The following TRIM71 variants were observed in gnomAD, a reference collection of about 807,000 sequenced individuals.
TRIM71 encodes the protein E3 ubiquitin-protein ligase TRIM71.
TRIM71 carries 9 observed loss-of-function variants against 61.2 expected under a neutral mutation model. The observed-to-expected ratio is 0.15, with a 90% CI of 0.09 to 0.26. The LOEUF is 0.26. Ranked by LOEUF, TRIM71 falls within the 10% of genes least tolerant of loss-of-function variation. The pLI, the probability that TRIM71 is intolerant of heterozygous loss-of-function variation, is 1.00. For synonymous variants in TRIM71, 645 were observed against 553.2 expected (o/e 1.17, Z -2.33); for missense variants, 998 against 1,238.7 (o/e 0.81, Z 2.92).
chr3:32,875,842 A>G (rs970739370), intron 2 of TRIM71, among the ~76,000 whole-genome samples: 21 of 152,162 alleles, frequency 1.4e-4, no homozygotes, highest in Non-Finnish European at 2.8e-4. Flanking sequence ...TTCAAAAAAA[A>G]TCCGTTTTGA....
At chr3:32,828,643 A>G (rs563158463) in intron 1 of TRIM71, among the ~76,000 whole-genome samples, 3 of 150,412 alleles carry the variant, frequency 2.0e-5, no homozygotes, top group Non-Finnish European at 2.9e-5. Flanking sequence ...GAGAAGGTGC[A>G]TGCCACGATG....
intron 1 of TRIM71, among the ~76,000 whole-genome samples, chr3:32,824,550 T>C (rs1398615109): frequency 6.6e-6 from 1 of 152,014 alleles, no homozygotes; most frequent in Non-Finnish European, 1.5e-5. Context: ...AGTGCAGTTG[T>C]ACAGCTCCTT....
intron 1 of TRIM71, among the ~76,000 whole-genome samples, chr3:32,848,688 T>G (rs1696504625): frequency 6.6e-6 from 1 of 152,194 alleles, no homozygotes; most frequent in South Asian, 2.1e-4. Context: ...GCCTGATGCC[T>G]CTTCATTTTT....
intron 2 of TRIM71, among the ~76,000 whole-genome samples, chr3:32,876,323 C>T (rs558261926): frequency 6.6e-6 from 1 of 152,278 alleles, no homozygotes; most frequent in African/African-American, 2.4e-5. Context: ...GTTGCTCAAA[C>T]CTGTAATCCC....
intron 1 of TRIM71, among the ~76,000 whole-genome samples, chr3:32,843,505 T>C (rs2125679668): frequency 6.6e-6 from 1 of 152,262 alleles, no homozygotes; most frequent in East Asian, 1.9e-4. Flanking sequence ...GCACATTTAA[T>C]CTTTATTAGT....
chr3:32,880,943 A>G (rs1011685462), intron 2 of TRIM71, among the ~76,000 whole-genome samples: 2 of 152,182 alleles, frequency 1.3e-5, no homozygotes, highest in Admixed American at 6.5e-5. Context: ...TACAACTAAC[A>G]AAGGAAGAAA....
rs571464888 is a variant in TRIM71, at chr3:32,895,773, C to G, written c.*3962C>G. On this transcript the variant is annotated 3_prime_UTR_variant, in exon 4 of 4. Transcript: ENST00000383763. ...CTCTGGTTTTCTATAGGGCCAAGGG[C>G]ACAGGACGCAGCATTCCAGACCACA... 6.6e-6 allele frequency: 1 copy of G among 152,286 alleles called. No homozygotes were observed. Among genetic ancestry groups the G allele is most frequent in the East Asian group, 1.9e-4 (1 of 5,186 alleles). The allele number at this position is 152,286 out of a possible 1,614,324, so 9.4% of individuals were successfully genotyped here.
In TRIM71 at chr3:32,861,639, C is replaced by G. The variant is rs76424880; in HGVS notation, c.853-12179C>G. ...TGCTTTTGCACTGAAGATGTTTGCT[C>G]TGCTCTCGCTCATTTTGCCTTTTAC... On this transcript the variant is annotated intron_variant, in intron 1 of 3. Transcript: ENST00000383763. 4.6e-3 allele frequency among the ~76,000 whole-genome samples: 708 copies of G among 152,260 alleles called. 7 individuals carry two copies. The highest frequency in any genetic ancestry group is 0.016 in the African/African-American group (679 of 41,550).
intron 1 of TRIM71, 46 bp from the exon 2 acceptor site, chr3:32,873,772 C>G (rs1381668727): frequency 2.1e-6 from 3 of 1,425,400 alleles, no homozygotes; most frequent in Non-Finnish European, 2.8e-6. Context: ...CCCTCCTCCT[C>G]CCGTCCTGCA....
intron 2 of TRIM71, among the ~76,000 whole-genome samples, chr3:32,878,731 AT>A (rs1247643495): frequency 6.6e-6 from 1 of 152,236 alleles, no homozygotes; most frequent in Non-Finnish European, 1.5e-5. Flanking sequence ...GGCACGGTAG[AT>A]TTAGCATAAT....
At chr3:32,867,966 T>G (rs1247333894) in intron 1 of TRIM71, among the ~76,000 whole-genome samples, 1 of 152,064 alleles carries the variant, frequency 6.6e-6, no homozygotes, top group Non-Finnish European at 1.5e-5. Flanking sequence ...TTGCCTGAGA[T>G]TCCTTCAATT....
chr3:32,823,824 G>C (rs913225569), intron 1 of TRIM71, among the ~76,000 whole-genome samples: 1 of 149,772 alleles, frequency 6.7e-6, no homozygotes, highest in Non-Finnish European at 1.5e-5. Context: ...GTGAGCCACC[G>C]CGCCTTTGGG....
chr3:32,848,615 C>A (rs538802473), intron 1 of TRIM71, among the ~76,000 whole-genome samples: 2 of 152,266 alleles, frequency 1.3e-5, no homozygotes, highest in South Asian at 4.2e-4. Context: ...AAAAATACCC[C>A]TAGTTTTGTC....
chr3:32,894,984 G>C lies in TRIM71; in HGVS notation c.*3173G>C, dbSNP rs1697063888. The stretch of plus-strand genomic sequence containing the variant: ...AGGTCTGATCTGGTCAGGTGGCAAG[G>C]GTTGGGTGGGGTATGATGTAAGCTC... On this transcript the variant is annotated 3_prime_UTR_variant, in exon 4 of 4. Transcript: ENST00000383763. 2 of 152,210 alleles carry C rather than the reference G, an allele frequency of 1.3e-5. No homozygotes were observed. The highest frequency in any genetic ancestry group is 2.9e-5 in the Non-Finnish European group (2 of 68,046). 9.4% of individuals were successfully genotyped at this position (152,210 alleles called of 1,614,324 possible).
chr3:32,837,652 T>C (rs1405523354), intron 1 of TRIM71, among the ~76,000 whole-genome samples: 4 of 152,048 alleles, frequency 2.6e-5, no homozygotes, highest in Non-Finnish European at 5.9e-5. Context: ...ACCCCCTCCC[T>C]ACTAAAAATA....
intron 1 of TRIM71, among the ~76,000 whole-genome samples, chr3:32,824,360 T>G (rs1480172617): frequency 6.6e-6 from 1 of 150,934 alleles, no homozygotes; most frequent in East Asian, 1.9e-4. Flanking sequence ...TTTCTTTCTT[T>G]TTTTTTTTTT....
rs115377766 is a variant in TRIM71 at position 32,877,795 on chromosome 3, C to T, written c.1020+3810C>T. 4.3e-3 allele frequency among the ~76,000 whole-genome samples: 656 copies of T among 152,250 alleles called. 6 individuals are homozygous for T. The highest frequency in any genetic ancestry group is 0.015 in the African/African-American group (622 of 41,542). On this transcript the variant is annotated intron_variant, in intron 2 of 3. Coordinates refer to ENST00000383763, the MANE Select transcript of TRIM71 (RefSeq NM_001039111.3). ...TTTTCACCACATCTGCAGTGACTTC[C>T]TCCACTACTTCTTTCTGCTACAAGA...
In TRIM71 at chr3:32,891,767, A is replaced by C. The variant is rs748289412; in HGVS notation, c.2563A>C (p.Ile855Leu). The change falls in exon 4 of 4, where the codon ATC (isoleucine) becomes CTC (leucine). Residue 855 changes from isoleucine to leucine, a missense_variant. Ile to Leu is a conservative substitution (Grantham distance 5). Transcript: ENST00000383763. The surrounding 1 kb of genome is among the most constrained non-coding windows in gnomAD (Gnocchi z 8.2). ...CATCGCCATCACCCCCGACGGAATG[A>C]TCGTTGTGGTGGACTTTGGCAACAA... The part of the protein sequence containing the change: ...SGIAITPDGM[I>L]VVVDFGNNRI... 6.2e-7 allele frequency: 1 copy of C among 1,613,930 alleles called. No homozygotes were observed. Among genetic ancestry groups the C allele is most frequent in the Non-Finnish European group, 8.5e-7 (1 of 1,180,030 alleles).
Position 32,828,554 on chromosome 3 carries a change from C to T in TRIM71, c.852+9622C>T, listed in dbSNP as rs963216060. Among the ~76,000 whole-genome samples the T allele has an allele frequency of 2.4e-5, 3 of 127,566 alleles. No individual in the cohort carries two copies. The Admixed American group carries it at 3.1e-4, about 13-fold the overall frequency. 83.7% of individuals were successfully genotyped at this position (127,566 alleles called of 152,430 possible). A position where few individuals can be genotyped will look rare whatever the true frequency, so the allele number is the denominator to read the frequency against. ...ATGGAGTCTTGCTCTGTCACCCAGG[C>T]TGGAGTGCAGTGGTGCAATCACAGC... On this transcript the variant is annotated intron_variant, in intron 1 of 3. Transcript: ENST00000383763.
Sources: allele counts gnomAD v4.1 joint callset (sites outside exome capture counted in the v4.1 genomes callset), GRCh38; gene constraint gnomAD v4.1.1; non-coding constraint Gnocchi (gnomAD v3.1); transcripts MANE v1.5; gene names NCBI Gene and HGNC (gene_info 2026-07-23, HGNC 2026-07-21).